Variants in SCARA5 observed in about 807,000 individuals in gnomAD.
SCARA5 encodes the protein scavenger receptor class A, member 5 (putative).
Under a neutral mutation model 46.3 loss-of-function variants are expected in SCARA5, and 45 were observed. That is an observed-to-expected ratio of 0.97 (90% CI 0.76 to 1.24). SCARA5 has a LOEUF of 1.24. SCARA5 is among the 50% of genes most tolerant of loss of function. SCARA5 has a pLI of 0.00. For missense variants in SCARA5, 680 were observed against 689.0 expected (o/e 0.99, Z 0.15); for synonymous variants, 333 against 306.5 (o/e 1.09, Z -0.90).
rs150591817 is a variant in SCARA5 at position 27,884,704 on chromosome 8, C to G, written c.1154-4938G>C. 1.5e-3 allele frequency among the ~76,000 whole-genome samples: 229 copies of G among 152,342 alleles called. 1 individual carries two copies. Among genetic ancestry groups the G allele is most frequent in the African/African-American group, 5.3e-3 (220 of 41,582 alleles). ...CTCTGTTCTGGCCAGCCTGAACTCA[C>G]TTTGTGCACCTACTCGTTTAGCCAA... On this transcript the variant is annotated intron_variant, in intron 7 of 8. Coordinates refer to ENST00000354914, the MANE Select transcript of SCARA5 (RefSeq NM_173833.6).
In SCARA5 at chr8:27,895,738, C is replaced by G. The variant is rs7004207; in HGVS notation, c.1153+9040G>C. Among the ~76,000 whole-genome samples, 1,505 of 152,284 alleles carry G rather than the reference C, an allele frequency of 9.9e-3. 16 individuals carry two copies. Among genetic ancestry groups the G allele is most frequent in the African/African-American group, 0.034 (1,426 of 41,568 alleles). ...GTCAGACGGGGTACTTGGGACTTTGCTGGGTAGAAGGAGCAACAGAACTAT... is the reference window on the plus strand; with the variant it reads ...GTCAGACGGGGTACTTGGGACTTTGGTGGGTAGAAGGAGCAACAGAACTAT... On this transcript the variant is annotated intron_variant, in intron 7 of 8. Coordinates refer to ENST00000354914, the MANE Select transcript of SCARA5 (RefSeq NM_173833.6).
chr8:27,878,476 A>G (rs1806759073), intron 8 of SCARA5, among the ~76,000 whole-genome samples: 1 of 152,232 alleles, frequency 6.6e-6, no homozygotes, highest in Non-Finnish European at 1.5e-5. Context: ...TGAATCAGCC[A>G]TCTACCTAAG....
intron 7 of SCARA5, among the ~76,000 whole-genome samples, chr8:27,900,150 C>A (rs1807127620): frequency 1.3e-5 from 2 of 149,650 alleles, no homozygotes; most frequent in African/African-American, 5.0e-5. Context: ...AAAAAAAAAC[C>A]AAAAAAACAA....
At chr8:27,880,953 G>A (rs937085721) in intron 7 of SCARA5, among the ~76,000 whole-genome samples, 9 of 151,104 alleles carry the variant, frequency 6.0e-5, no homozygotes, top group South Asian at 2.1e-4. Context: ...AATGCTCATC[G>A]TTACTAATCA....
At position 27,961,575 on chromosome 8, in the gene SCARA5, T is replaced by G. The variant is rs564602639; in HGVS notation, c.241+4839A>C. On this transcript the variant is annotated intron_variant, in intron 3 of 8. Coordinates refer to ENST00000354914, the MANE Select transcript of SCARA5 (RefSeq NM_173833.6). ...AGGGAGTACGCTGATTTCCCCCGTT[T>G]TCAGAGAAGGGAGTTCTTGGCCAAG... Among the ~76,000 whole-genome samples the G allele has an allele frequency of 3.3e-5, 5 of 152,320 alleles. No individual in the cohort carries two copies. In the South Asian group the frequency reaches 1.0e-3, roughly 32 times the overall value.
chr8:27,917,935 G>A (rs779003175), intron 4 of SCARA5, among the ~76,000 whole-genome samples: 1 of 152,190 alleles, frequency 6.6e-6, no homozygotes, highest in Non-Finnish European at 1.5e-5. Flanking sequence ...GGCCCAAAGT[G>A]ACCCAGGACC....
intron 3 of SCARA5, among the ~76,000 whole-genome samples, chr8:27,925,858 T>A (rs1041994675): frequency 6.6e-6 from 1 of 152,214 alleles, no homozygotes; most frequent in East Asian, 1.9e-4. Context: ...ATGCTCATCA[T>A]CACTGGCCAT....
intron 1 of SCARA5, among the ~76,000 whole-genome samples, chr8:27,989,157 A>G (rs1309494378): frequency 2.3e-5 from 2 of 88,404 alleles, no homozygotes; most frequent in African/African-American, 5.6e-5. Context: ...TTTTTTTGAG[A>G]CAGGGTCTCA....
chr8:27,948,147 C>A (rs919121403), intron 3 of SCARA5, among the ~76,000 whole-genome samples: 1 of 152,142 alleles, frequency 6.6e-6, no homozygotes, highest in African/African-American at 2.4e-5. Flanking sequence ...GTGTATTTCA[C>A]CAGAATAAAG....
intron 3 of SCARA5, among the ~76,000 whole-genome samples, chr8:27,956,677 G>T (rs1808212697): frequency 6.6e-6 from 1 of 152,162 alleles, no homozygotes; most frequent in African/African-American, 2.4e-5. Context: ...GATCTGCCCT[G>T]TGCTTGATAG....
chr8:27,929,484 T>C (rs1198612225), intron 3 of SCARA5, among the ~76,000 whole-genome samples: 1 of 152,236 alleles, frequency 6.6e-6, no homozygotes, highest in Non-Finnish European at 1.5e-5. Context: ...GTGTGAATCA[T>C]AACCCTTTAT....
intron 3 of SCARA5, among the ~76,000 whole-genome samples, chr8:27,938,785 T>C (rs1411656507): frequency 6.6e-6 from 1 of 152,196 alleles, no homozygotes; most frequent in Non-Finnish European, 1.5e-5. Flanking sequence ...GTACACACCC[T>C]TTTATATAAA....
intron 7 of SCARA5, among the ~76,000 whole-genome samples, chr8:27,893,990 G>A (rs927736815): frequency 6.6e-6 from 1 of 152,212 alleles, no homozygotes; most frequent in Non-Finnish European, 1.5e-5. Flanking sequence ...GCCACACCTG[G>A]CTCAGGGCCA....
chr8:27,900,176 AG>A (rs1242479377), intron 7 of SCARA5, among the ~76,000 whole-genome samples: 1 of 152,008 alleles, frequency 6.6e-6, no homozygotes, highest in Non-Finnish European at 1.5e-5. Flanking sequence ...AAACAAAAAA[AG>A]GTGCAGTCGC....
chr8:27,890,671 C>A (rs140792951), intron 7 of SCARA5, among the ~76,000 whole-genome samples: 2,440 of 152,302 alleles, frequency 0.016, 36 homozygotes, highest in South Asian at 0.048. Context: ...ACAGATCCCA[C>A]CTGCTCAGGG....
intron 1 of SCARA5, among the ~76,000 whole-genome samples, chr8:27,988,504 G>A (rs7831345): frequency 0.011 from 1,724 of 152,340 alleles, 31 homozygotes; most frequent in African/African-American, 0.038. Flanking sequence ...GATGTAAGAC[G>A]CTATGATGGC....
intron 3 of SCARA5, among the ~76,000 whole-genome samples, chr8:27,950,080 C>T (rs867347987): frequency 3.5e-4 from 53 of 152,128 alleles, no homozygotes; most frequent in African/African-American, 1.2e-3. Context: ...AGCCTGGAAA[C>T]GCTGGGGGAA....
At chr8:27,990,840 A>G (rs1156435750) in intron 1 of SCARA5, among the ~76,000 whole-genome samples, 1 of 152,266 alleles carries the variant, frequency 6.6e-6, no homozygotes, top group East Asian at 1.9e-4. Flanking sequence ...CTGGACCTCA[A>G]CTTGCAACTC....
intron 2 of SCARA5, among the ~76,000 whole-genome samples, chr8:27,981,036 G>T (rs923953854): frequency 6.6e-6 from 1 of 152,144 alleles, no homozygotes. Context: ...TGCAAGCTTT[G>T]CAGGGGACTC....
Sources: gnomAD v4.1 joint callset for allele counts (sites outside exome capture counted in the v4.1 genomes callset) on GRCh38, gnomAD v4.1.1 for gene constraint, MANE v1.5 for transcripts, NCBI Gene and HGNC (gene_info 2026-07-23, HGNC 2026-07-21) for gene names.